Variants in NT5DC3 observed in about 807,000 individuals in gnomAD.
NT5DC3 encodes the protein 5'-nucleotidase domain containing 3, also known as 5'-nucleotidase domain-containing protein 3.
In NT5DC3, 42 loss-of-function variants were observed where a neutral mutation model predicts 67.8. The observed-to-expected ratio is 0.62, with a 90% CI of 0.48 to 0.80. The LOEUF is 0.80. Ranked by LOEUF, NT5DC3 falls within the 30% of genes least tolerant of loss-of-function variation. NT5DC3 has a pLI of 0.00. For synonymous variants in NT5DC3, 237 were observed against 255.6 expected (o/e 0.93, Z 0.69); for missense variants, 570 against 696.4 (o/e 0.82, Z 2.04).
Position 103,778,048 on chromosome 12 carries a change from A to G in NT5DC3, c.1428T>C (p.Phe476=), listed in dbSNP as rs1885403629. The change falls in exon 14 of 14, where the codon TTT becomes TTC. Residue 476 remains phenylalanine, a synonymous_variant. Coordinates refer to ENST00000392876, the MANE Select transcript of NT5DC3 (RefSeq NM_001031701.3). ...EMTKSFFNAQ[F]GSLFRTDQNP... ...TCTGGTCTGTGCGGAACAGGCTTCCAAACTGGGCATTGAAGAAACTCTTGG... is the reference window on the plus strand; with the variant it reads ...TCTGGTCTGTGCGGAACAGGCTTCCGAACTGGGCATTGAAGAAACTCTTGG... The G allele has an allele frequency of 2.5e-6, 4 of 1,613,802 alleles. No homozygotes were observed. In the African/African-American group the frequency reaches 5.3e-5, roughly 22 times the overall value.
chr12:103,835,345 G>GACC (rs1163997812), intron 1 of NT5DC3, among the ~76,000 whole-genome samples: 3 of 152,274 alleles, frequency 2.0e-5, no homozygotes, highest in African/African-American at 7.2e-5. Context: ...GGGTAATAGG[G>GACC]ACCACATGCA....
At chr12:103,789,082 T>C (rs909533523) in intron 9 of NT5DC3, 163 bp from the exon 10 acceptor site, 27 of 600,040 alleles carry the variant, frequency 4.5e-5, no homozygotes, top group Non-Finnish European at 6.3e-5. Context: ...ATTCAATGCG[T>C]CCCAAATTGT....
chr12:103,793,039 A>T, intron 9 of NT5DC3, 125 bp downstream of exon 9: 1 of 736,980 alleles, frequency 1.4e-6, no homozygotes, highest in Non-Finnish European at 2.3e-6. Flanking sequence ...TAGAAGGGTT[A>T]AAATTCAAAA....
intron 11 of NT5DC3, among the ~76,000 whole-genome samples, chr12:103,786,157 A>T (rs1345774380): frequency 6.6e-6 from 1 of 152,174 alleles, no homozygotes; most frequent in Non-Finnish European, 1.5e-5. Flanking sequence ...TGGAAAATAC[A>T]GACAATAAAT....
intron 4 of NT5DC3, among the ~76,000 whole-genome samples, chr12:103,803,231 T>C (rs1253419446): frequency 6.7e-6 from 1 of 149,756 alleles, no homozygotes; most frequent in Non-Finnish European, 1.5e-5. Flanking sequence ...TTTAAGAGGT[T>C]TAGAGAAAGA....
intron 12 of NT5DC3, among the ~76,000 whole-genome samples, chr12:103,784,108 T>G (rs1885669151): frequency 6.6e-6 from 1 of 152,190 alleles, no homozygotes; most frequent in South Asian, 2.1e-4. Context: ...CTGTGACTAT[T>G]AAATGAGCAA....
chr12:103,755,770 A>G, the NT5DC3 span: 1 of 1,575,260 alleles, frequency 6.3e-7, no homozygotes, highest in East Asian at 2.2e-5. Flanking sequence ...GTTGCCTCAA[A>G]GCAGGTATTA....
At chr12:103,800,965 A>G (rs1031771419) in intron 4 of NT5DC3, among the ~76,000 whole-genome samples, 2 of 152,168 alleles carry the variant, frequency 1.3e-5, no homozygotes, top group Non-Finnish European at 2.9e-5. Context: ...CAGTTGGTCT[A>G]TGTAAGCACT....
the NT5DC3 span, among the ~76,000 whole-genome samples, chr12:103,747,760 C>T: frequency 3.3e-5 from 5 of 152,008 alleles, no homozygotes; most frequent in South Asian, 2.1e-4. Flanking sequence ...TTTGGGAGGC[C>T]GGGGTGGGCA....
the NT5DC3 span, among the ~76,000 whole-genome samples, chr12:103,758,786 C>T: frequency 2.6e-5 from 4 of 152,204 alleles, no homozygotes; most frequent in Non-Finnish European, 4.4e-5. Context: ...AGAGGATTGG[C>T]GGTATTTATT....
the NT5DC3 span, chr12:103,763,247 G>A: frequency 6.1e-6 from 3 of 492,124 alleles, no homozygotes; most frequent in Admixed American, 3.4e-5. Context: ...ACACATCCTG[G>A]GGTATGGAAA....
At position 103,777,615 on chromosome 12, in the gene NT5DC3, T is replaced by G. The variant is rs886514176; in HGVS notation, c.*214A>C. ...CAAAATCAGAGTTCCAATGTGAAGC[T>G]TGCCTTTCAGCCCTGCATGGGGGGA... On this transcript the variant is annotated 3_prime_UTR_variant, in exon 14 of 14. Coordinates refer to ENST00000392876, the MANE Select transcript of NT5DC3 (RefSeq NM_001031701.3). 5.3e-6 allele frequency: 3 copies of G among 570,922 alleles called. No individual in the cohort carries two copies. The South Asian group carries it at 8.2e-5, about 16-fold the overall frequency. The allele number at this position is 570,922 out of a possible 1,614,324, so 35.4% of individuals were successfully genotyped here. A position where few individuals can be genotyped will look rare whatever the true frequency, so the allele number is the denominator to read the frequency against.
intron 4 of NT5DC3, chr12:103,802,167 T>C (rs564242005): frequency 1.3e-5 from 2 of 152,412 alleles, no homozygotes; most frequent in Non-Finnish European, 2.9e-5. Flanking sequence ...CCTCATACAC[T>C]GTCCATACTC....
the NT5DC3 span, among the ~76,000 whole-genome samples, chr12:103,765,086 CAAAAAAAAAA>C: frequency 1.1e-4 from 7 of 66,548 alleles, no homozygotes; most frequent in African/African-American, 2.7e-4. Context: ...GACTCTGTCT[CAAAAAAAAAA>C]AAAAAAAAAA....
chr12:103,816,493 G>A (rs1396358340), intron 1 of NT5DC3, among the ~76,000 whole-genome samples: 1 of 152,184 alleles, frequency 6.6e-6, no homozygotes, highest in Non-Finnish European at 1.5e-5. Flanking sequence ...AGATGGGTTT[G>A]TAGACGTGTG....
chr12:103,839,880 T>C (rs904903048), intron 1 of NT5DC3, among the ~76,000 whole-genome samples: 6 of 152,042 alleles, frequency 3.9e-5, no homozygotes, highest in Non-Finnish European at 7.4e-5. Flanking sequence ...CCAAAAAAAA[T>C]GGAAAATGTG....
chr12:103,796,523 T>C (rs957664838), intron 6 of NT5DC3, among the ~76,000 whole-genome samples: 1 of 150,434 alleles, frequency 6.6e-6, no homozygotes, highest in African/African-American at 2.4e-5. Flanking sequence ...AAGACTCTGT[T>C]CAAAAAAAAA....
chr12:103,826,711 T>C (rs997833589), intron 1 of NT5DC3, among the ~76,000 whole-genome samples: 2 of 152,234 alleles, frequency 1.3e-5, no homozygotes, highest in African/African-American at 4.8e-5. Flanking sequence ...ACAGAAGCAA[T>C]GAAAATTAAA....
chr12:103,790,070 C>T (rs11111773), intron 9 of NT5DC3, among the ~76,000 whole-genome samples: 58,038 of 151,846 alleles, frequency 0.38, 12,164 homozygotes, highest in East Asian at 0.88. Context: ...TCATGTTTTA[C>T]AGTAATACAA....
Sources: gnomAD v4.1 joint callset for allele counts (sites outside exome capture counted in the v4.1 genomes callset) on GRCh38, gnomAD v4.1.1 for gene constraint, MANE v1.5 for transcripts, NCBI Gene and HGNC (gene_info 2026-07-23, HGNC 2026-07-21) for gene names.